Variants in RAB31 observed in about 807,000 individuals in gnomAD.
The protein encoded by RAB31 is ras-related protein Rab-31.
In RAB31, 21 loss-of-function variants were observed where a neutral mutation model predicts 25.6. The ratio of observed to expected loss-of-function variants is 0.82; its 90% CI spans 0.58 to 1.18. The LOEUF is 1.18. Ranked by LOEUF, RAB31 falls within the 50% of genes most tolerant of loss-of-function variation. The probability of loss-of-function intolerance (pLI) is 0.00; values close to 1 mark genes in which losing one functional copy is unlikely to be tolerated. For synonymous variants in RAB31, 87 were observed against 84.0 expected, an observed-to-expected ratio of 1.04 and a Z score of -0.20; for missense variants, 196 against 250.1, an observed-to-expected ratio of 0.78 and a Z score of 1.46.
At chr18:9,733,545 C>G (rs1568164830) in intron 1 of RAB31, among the ~76,000 whole-genome samples, 1 of 152,322 alleles carries the variant, frequency 6.6e-6, no homozygotes, top group East Asian at 1.9e-4. Flanking sequence ...TGCTTAATAG[C>G]TCGGCCTAGA....
rs2068853385 is a variant in RAB31 at position 9,862,502 on chromosome 18, T to G, written c.*3177T>G. On this transcript the variant is annotated 3_prime_UTR_variant, in exon 7 of 7. Coordinates refer to ENST00000578921, the MANE Select transcript of RAB31 (RefSeq NM_006868.4). ...CAACAATGCCTAATTGTATCTGTTATTTTTGGTTTAACACACACTGATTCA... is the reference window on the plus strand; with the variant it reads ...CAACAATGCCTAATTGTATCTGTTAGTTTTGGTTTAACACACACTGATTCA... The G allele has an allele frequency of 6.6e-6, 1 of 152,238 alleles. No individual in the cohort carries two copies. Among genetic ancestry groups the G allele is most frequent in the Non-Finnish European group, 1.5e-5 (1 of 68,036 alleles). 9.4% of individuals were successfully genotyped at this position (152,238 alleles called of 1,614,324 possible).
chr18:9,851,692 G>A (rs1317273968), intron 6 of RAB31, among the ~76,000 whole-genome samples: 1 of 152,120 alleles, frequency 6.6e-6, no homozygotes, highest in Non-Finnish European at 1.5e-5. Context: ...CCAAAAGTTA[G>A]GAAATAGTTT....
chr18:9,762,031 C>G (rs2068291677), intron 1 of RAB31, among the ~76,000 whole-genome samples: 1 of 152,172 alleles, frequency 6.6e-6, no homozygotes, highest in East Asian at 1.9e-4. Flanking sequence ...TTGTCTCAAA[C>G]TCCTGAGCTC....
intron 1 of RAB31, among the ~76,000 whole-genome samples, chr18:9,750,329 C>T (rs2068228011): frequency 6.6e-6 from 1 of 152,228 alleles, no homozygotes; most frequent in Non-Finnish European, 1.5e-5. Flanking sequence ...ATACTGCTGT[C>T]TGCGTCCCGG....
chr18:9,844,005 C>T (rs535664629), intron 5 of RAB31, among the ~76,000 whole-genome samples: 1 of 152,302 alleles, frequency 6.6e-6, no homozygotes, highest in Non-Finnish European at 1.5e-5. Flanking sequence ...TGGGCGCTCT[C>T]CCATCACTCT....
At chr18:9,831,402 T>C (rs781570753) in intron 5 of RAB31, among the ~76,000 whole-genome samples, 73 of 152,364 alleles carry the variant, frequency 4.8e-4, no homozygotes, top group Non-Finnish European at 8.4e-4. Context: ...CAGATTTATC[T>C]TGGATATTTT....
Position 9,850,325 on chromosome 18 carries a change from G to A in RAB31, c.490+4634G>A, listed in dbSNP as rs375901138. ...TTATTTTTAGAGATGAGGTCTCGCT[G>A]TATTGTCCAGGCTGGTCTTGAACTC... On this transcript the variant is annotated intron_variant, in intron 6 of 6. Coordinates refer to ENST00000578921, the MANE Select transcript of RAB31 (RefSeq NM_006868.4). Among the ~76,000 whole-genome samples the A allele has an allele frequency of 3.3e-5, 5 of 152,180 alleles. No homozygotes were observed. In the East Asian group the frequency reaches 7.7e-4, roughly 23 times the overall value.
intron 1 of RAB31, among the ~76,000 whole-genome samples, chr18:9,771,850 T>C (rs2068346810): frequency 6.6e-6 from 1 of 152,232 alleles, no homozygotes; most frequent in Non-Finnish European, 1.5e-5. Context: ...TCCTATCAAG[T>C]GTGTAAGAAT....
intron 6 of RAB31, among the ~76,000 whole-genome samples, chr18:9,847,592 T>TC (rs1031857455): frequency 1.3e-5 from 2 of 152,214 alleles, no homozygotes; most frequent in Non-Finnish European, 2.9e-5. Flanking sequence ...TCTTTTTTTT[T>TC]CTGAGACAGA....
chr18:9,719,295 A>G (rs2068060805), intron 1 of RAB31, among the ~76,000 whole-genome samples: 1 of 47,404 alleles, frequency 2.1e-5, no homozygotes, highest in Non-Finnish European at 4.7e-5. Flanking sequence ...AAAAAAAAAA[A>G]AAAATATATA....
intron 2 of RAB31, among the ~76,000 whole-genome samples, chr18:9,776,990 A>G (rs965705717): frequency 2.0e-5 from 3 of 152,106 alleles, no homozygotes; most frequent in African/African-American, 7.3e-5. Context: ...AGATTTTGGA[A>G]TTTCAGCTTT....
chr18:9,799,257 G>T (rs16955629), intron 3 of RAB31, among the ~76,000 whole-genome samples: 2 of 152,138 alleles, frequency 1.3e-5, no homozygotes, highest in African/African-American at 2.4e-5. Flanking sequence ...AGAAAGCTCC[G>T]CTCAGTGCTT....
rs2068594377 is a variant in RAB31 at position 9,815,129 on chromosome 18, C to T, written c.287C>T (p.Thr96Ile). Residue 96 changes from threonine to isoleucine, a missense_variant, in exon 5 of 7, where the codon ACC (threonine) becomes ATC (isoleucine). Physicochemically the swap from Thr to Ile is moderately conservative, Grantham distance 89 (BLOSUM62 -1). Transcript: ENST00000578921. The part of the protein sequence containing the change: ...YDITKQDSFY[T>I]LKKWVKELKE... ...CTGTTGGTTTAGGATTCATTTTATA[C>T]CTTGAAGAAATGGGTCAAGGAGCTG... 6.5e-7 allele frequency: 1 copy of T among 1,548,998 alleles called. No homozygotes were observed. Among genetic ancestry groups the T allele is most frequent in the South Asian group, 1.2e-5 (1 of 84,056 alleles).
At chr18:9,719,153 C>T (rs2145456714) in intron 1 of RAB31, among the ~76,000 whole-genome samples, 1 of 148,942 alleles carries the variant, frequency 6.7e-6, no homozygotes, top group South Asian at 2.1e-4. Flanking sequence ...GCCTATAATC[C>T]CAGCTACTAG....
At chr18:9,730,505 G>A (rs1157852802) in intron 1 of RAB31, among the ~76,000 whole-genome samples, 6 of 152,216 alleles carry the variant, frequency 3.9e-5, no homozygotes, top group African/African-American at 1.2e-4. Flanking sequence ...AGCCAGGCTG[G>A]TCTTGTACCC....
intron 2 of RAB31, among the ~76,000 whole-genome samples, chr18:9,778,360 C>A (rs926896725): frequency 4.6e-5 from 7 of 152,100 alleles, no homozygotes; most frequent in Non-Finnish European, 2.9e-5. Context: ...AAATGCATTT[C>A]GGTGGTTTGG....
chr18:9,844,480 A>G (rs968888523), intron 5 of RAB31, among the ~76,000 whole-genome samples: 2 of 152,232 alleles, frequency 1.3e-5, no homozygotes, highest in Non-Finnish European at 2.9e-5. Flanking sequence ...CCTGGGGTCT[A>G]TTGAACAGAA....
At chr18:9,767,349 A>G (rs2068321317) in intron 1 of RAB31, among the ~76,000 whole-genome samples, 1 of 152,246 alleles carries the variant, frequency 6.6e-6, no homozygotes, top group Non-Finnish European at 1.5e-5. Context: ...TTTCCTGTCC[A>G]TAAGAATCAT....
At chr18:9,851,757 T>G (rs1017807596) in intron 6 of RAB31, among the ~76,000 whole-genome samples, 2 of 152,212 alleles carry the variant, frequency 1.3e-5, no homozygotes, top group Admixed American at 6.5e-5. Flanking sequence ...ATGACATAAA[T>G]CTTTGTTTAC....
Sources: gnomAD v4.1 joint callset for allele counts (sites outside exome capture counted in the v4.1 genomes callset) on GRCh38, gnomAD v4.1.1 for gene constraint, MANE v1.5 for transcripts, NCBI Gene and HGNC (gene_info 2026-07-23, HGNC 2026-07-21) for gene names.